SCTR: variants seen among roughly 807,000 people sequenced by gnomAD.
SCTR encodes the protein pancreatic secretin receptor.
In SCTR, 56 loss-of-function variants were observed where a neutral mutation model predicts 60.8. That is an observed-to-expected ratio of 0.92 (90% confidence interval 0.74 to 1.15). The LOEUF is 1.15. SCTR is among the 50% of genes most tolerant of loss of function. SCTR has a pLI of 0.00. For synonymous variants in SCTR, 202 were observed against 217.0 expected, an observed-to-expected ratio of 0.93 and a Z score of 0.61; for missense variants, 562 against 550.4, an observed-to-expected ratio of 1.02 and a Z score of -0.21.
chr2:119,461,942 C>T lies in SCTR; in HGVS notation c.695G>A (p.Trp232Ter), dbSNP rs547605436. 6.2e-7 allele frequency: 1 copy of T among 1,613,932 alleles called. No homozygotes were observed. Among genetic ancestry groups the T allele is most frequent in the Admixed American group, 1.7e-5 (1 of 59,998 alleles). The change falls in exon 7 of 13, where the codon TGG becomes TAG. Residue 232 changes from tryptophan (W) to a stop codon, truncating the protein, a stop_gained. Coordinates refer to ENST00000019103, the MANE Select transcript of SCTR (RefSeq NM_002980.3). LOFTEE classifies it high-confidence loss of function. ...AAGGTAGAGGCCTTCCACCAGCAGC[C>T]AGGAGTAGTTGGCCATGATGCAGTA... ...FQYCIMANYSWLLVEGLYLHT... is the reference protein window; with the variant it reads ...FQYCIMANYS
Position 119,498,181 on chromosome 2 carries a change from G to A in SCTR, c.73-3633C>T, listed in dbSNP as rs78512735. Among the ~76,000 whole-genome samples the A allele has an allele frequency of 4.6e-3, 699 of 152,276 alleles. 6 individuals are homozygous for A. In the South Asian group the frequency reaches 0.05, roughly 11 times the overall value. Reference sequence around the variant, plus strand: ...GGGAAAACAGTTAAGATGACAACTGGTTTTCCATCAGAAGTTACAGGAAGA... The same window carrying A: ...GGGAAAACAGTTAAGATGACAACTGATTTTCCATCAGAAGTTACAGGAAGA... On this transcript the variant is annotated intron_variant, in intron 1 of 12. Transcript: ENST00000019103.
At chr2:119,505,054 A>G (rs976760299) in intron 1 of SCTR, among the ~76,000 whole-genome samples, 4 of 152,124 alleles carry the variant, frequency 2.6e-5, no homozygotes, top group African/African-American at 9.7e-5. Context: ...GGATGTGGAG[A>G]AATAGGAACA....
intron 2 of SCTR, chr2:119,485,886 A>G (rs920331150): frequency 6.6e-6 from 1 of 152,300 alleles, no homozygotes; most frequent in Admixed American, 6.6e-5. Context: ...CCTGTTTCCC[A>G]ATTGCATCGT....
intron 2 of SCTR, among the ~76,000 whole-genome samples, chr2:119,488,243 G>A (rs1677963944): frequency 6.6e-6 from 1 of 152,160 alleles, no homozygotes; most frequent in African/African-American, 2.4e-5. Flanking sequence ...TGGGTGGGGG[G>A]CCAGCTGAGC....
chr2:119,522,969 A>G (rs1489463616), intron 1 of SCTR, among the ~76,000 whole-genome samples: 1 of 152,158 alleles, frequency 6.6e-6, no homozygotes, highest in African/African-American at 2.4e-5. Context: ...ACTCATCCCA[A>G]CTACTGCTGC....
chr2:119,463,852 T>C (rs1683712969), intron 6 of SCTR, among the ~76,000 whole-genome samples: 1 of 152,128 alleles, frequency 6.6e-6, no homozygotes, highest in African/African-American at 2.4e-5. Context: ...ATATATCTAA[T>C]TCCTAGAGTG....
At chr2:119,491,614 C>A (rs1186180018) in intron 2 of SCTR, among the ~76,000 whole-genome samples, 1 of 152,056 alleles carries the variant, frequency 6.6e-6, no homozygotes, top group Non-Finnish European at 1.5e-5. Context: ...TGGGTTCAAG[C>A]GATCCTCCTG....
At chr2:119,492,253 T>A (rs1428906196) in intron 2 of SCTR, among the ~76,000 whole-genome samples, 1 of 152,246 alleles carries the variant, frequency 6.6e-6, no homozygotes, top group East Asian at 1.9e-4. Context: ...CCAGCTCTTT[T>A]TGTAATATGC....
At chr2:119,447,864 G>A (rs1438248922) in intron 10 of SCTR, among the ~76,000 whole-genome samples, 5 of 152,150 alleles carry the variant, frequency 3.3e-5, no homozygotes, top group Non-Finnish European at 5.9e-5. Flanking sequence ...GAGCCACCGC[G>A]CCTGGATGCT....
chr2:119,514,966 T>C (rs1443137596), intron 1 of SCTR, among the ~76,000 whole-genome samples: 1 of 152,146 alleles, frequency 6.6e-6, no homozygotes, highest in Non-Finnish European at 1.5e-5. Context: ...AACCAGAGAC[T>C]GGAAAGATAT....
chr2:119,519,475 A>G (rs1300145131), intron 1 of SCTR, among the ~76,000 whole-genome samples: 1 of 152,214 alleles, frequency 6.6e-6, no homozygotes, highest in Non-Finnish European at 1.5e-5. Context: ...CTTGGGCACC[A>G]GAAACCCGGA....
chr2:119,447,229 C>T lies in SCTR; in HGVS notation c.1014-344G>A, dbSNP rs942649192. 2.0e-5 allele frequency among the ~76,000 whole-genome samples: 3 copies of T among 151,904 alleles called. No homozygotes were observed. The East Asian group carries it at 5.8e-4, about 29-fold the overall frequency. On this transcript the variant is annotated intron_variant, in intron 10 of 12. Transcript: ENST00000019103. ...ATGTCTAACATCATACAAGCAAAGC[C>T]GGCTTTCTCATTTGCTAGATAATAA...
chr2:119,494,351 G>C (rs1381416069), intron 2 of SCTR, 77 bp downstream of exon 2: 1 of 1,524,214 alleles, frequency 6.6e-7, no homozygotes, highest in Non-Finnish European at 8.9e-7. Context: ...CCTGGCCCAG[G>C]ATAAGCTCCC....
intron 9 of SCTR, 136 bp from the exon 10 acceptor site, chr2:119,448,916 C>T: frequency 4.8e-6 from 3 of 620,884 alleles, no homozygotes; most frequent in Non-Finnish European, 8.7e-6. Context: ...AGTGCTGCCG[C>T]TCCTCTCCAT....
At position 119,503,064 on chromosome 2, in the gene SCTR, C is replaced by A. The variant is rs142810764; in HGVS notation, c.73-8516G>T. Among the ~76,000 whole-genome samples, 4 of 144,344 alleles carry A rather than the reference C, an allele frequency of 2.8e-5. No individual in the cohort carries two copies. The East Asian group carries it at 8.3e-4, about 30-fold the overall frequency. The allele number at this position is 144,344 out of a possible 152,430, so 94.7% of individuals were successfully genotyped here. A position where few individuals can be genotyped will look rare whatever the true frequency, so the allele number is the denominator to read the frequency against. On this transcript the variant is annotated intron_variant, in intron 1 of 12. Transcript: ENST00000019103. ...GTCCCAGCTACTCGGGAGGTTGAGG[C>A]GGGAGAATGGTGTGAACCTGGGAAG...
chr2:119,464,024 G>T, intron 6 of SCTR, 99 bp downstream of exon 6: 2 of 1,298,590 alleles, frequency 1.5e-6, no homozygotes, highest in Non-Finnish European at 2.2e-6. Flanking sequence ...GCCTCAGCAG[G>T]GGCTTGGGGG....
In SCTR at chr2:119,503,798, T is replaced by C. The variant is rs1189766894; in HGVS notation, c.73-9250A>G. ...GTTTATTGTAAACTATGAACTTTAG[T>C]TAGTAATATTGTATCAACATAAGCT... is the stretch of plus-strand genomic sequence containing the variant. On this transcript the variant is annotated intron_variant, in intron 1 of 12. Transcript: ENST00000019103. 2.6e-5 allele frequency among the ~76,000 whole-genome samples: 4 copies of C among 152,176 alleles called. No individual in the cohort carries two copies. In the East Asian group the frequency reaches 7.7e-4, roughly 29 times the overall value.
At chr2:119,503,051 C>T (rs945066468) in intron 1 of SCTR, among the ~76,000 whole-genome samples, 32 of 145,906 alleles carry the variant, frequency 2.2e-4, no homozygotes, top group Non-Finnish European at 3.1e-4. Context: ...CCCAGCTACT[C>T]GGGAGGTTGA....
chr2:119,443,495 T>C (rs1682732367), intron 11 of SCTR, among the ~76,000 whole-genome samples: 1 of 152,246 alleles, frequency 6.6e-6, no homozygotes, highest in African/African-American at 2.4e-5. Context: ...TTTTCCTTAT[T>C]TCCCAAATTA....
Sources: gnomAD v4.1 joint callset for allele counts (sites outside exome capture counted in the v4.1 genomes callset) on GRCh38, gnomAD v4.1.1 for gene constraint, MANE v1.5 for transcripts, NCBI Gene and HGNC (gene_info 2026-07-23, HGNC 2026-07-21) for gene names.